Variants in EFHC2 observed in about 807,000 individuals in gnomAD.
The protein encoded by EFHC2 is EF-hand domain containing 2.
In EFHC2, 18 loss-of-function variants were observed where a neutral mutation model predicts 52.7. The ratio of observed to expected loss-of-function variants is 0.34; its 90% confidence interval spans 0.24 to 0.51. EFHC2 has a LOEUF of 0.51. Among genes scored for constraint, EFHC2 ranks in the 20% least tolerant of loss-of-function variants. EFHC2 has a pLI of 0.97. For missense variants in EFHC2, 513 were observed against 562.5 expected (o/e 0.91, Z 0.89); for synonymous variants, 203 against 204.1 (o/e 0.99, Z 0.04).
chrX:44,209,909 G>A (rs1436891908), intron 11 of EFHC2, among the ~76,000 whole-genome samples: 1 of 110,420 alleles, frequency 9.1e-6, no homozygotes, highest in African/African-American at 3.3e-5. Context: ...CTACTTATGA[G>A]AATCCAATGC....
chrX:44,260,141 A>G lies in EFHC2; in HGVS notation c.606+934T>C, dbSNP rs193177530. Reference sequence around the variant, plus strand: ...TGGTGGGGAGCGGGATCGATTCGATAAACACATGAGGGGACTTTCTGGGGG... The same window carrying G: ...TGGTGGGGAGCGGGATCGATTCGATGAACACATGAGGGGACTTTCTGGGGG... On this transcript the variant is annotated intron_variant, in intron 4 of 14. Transcript: ENST00000420999. Among the ~76,000 whole-genome samples the G allele has an allele frequency of 5.4e-5, 6 of 111,443 alleles. No individual in the cohort carries two copies. The East Asian group carries it at 1.7e-3, about 31-fold the overall frequency.
At chrX:44,333,051 G>A (rs1156778050) in intron 1 of EFHC2, among the ~76,000 whole-genome samples, 1 of 111,451 alleles carries the variant, frequency 9.0e-6, no homozygotes, top group African/African-American at 3.3e-5. Context: ...CATGGTTGCT[G>A]CAGGTAGAGG....
intron 13 of EFHC2, among the ~76,000 whole-genome samples, chrX:44,169,399 C>A (rs1188905480): frequency 4.5e-5 from 5 of 111,122 alleles, no homozygotes; most frequent in African/African-American, 1.6e-4. Context: ...CTTCAGCCTA[C>A]TGGGTAACTG....
chrX:44,278,719 C>T (rs1330841336), intron 2 of EFHC2, among the ~76,000 whole-genome samples: 2 of 111,346 alleles, frequency 1.8e-5, no homozygotes, highest in African/African-American at 3.3e-5. Context: ...GAATAAAAAT[C>T]GGAACAAACA....
At chrX:44,322,298 G>A (rs1403067255) in intron 1 of EFHC2, among the ~76,000 whole-genome samples, 1 of 111,826 alleles carries the variant, frequency 8.9e-6, no homozygotes, top group Non-Finnish European at 1.9e-5. Context: ...ACTAGGCTTT[G>A]TACTTTCTGA....
At chrX:44,309,461 C>A (rs747481930) in intron 2 of EFHC2, 56 of 1,185,168 alleles carry the variant, frequency 4.7e-5, no homozygotes, top group Non-Finnish European at 6.2e-5. Flanking sequence ...ACTCCGAAAA[C>A]CTTGCTAAAA....
chrX:44,187,789 C>G (rs1295190686), intron 11 of EFHC2, among the ~76,000 whole-genome samples: 1 of 109,049 alleles, frequency 9.2e-6, no homozygotes, highest in East Asian at 2.9e-4. Context: ...GAAAGTGTCT[C>G]AAAAATGAAA....
rs751656086 is a variant in EFHC2, at chrX:44,242,220, T to C, written c.1181A>G (p.Tyr394Cys). 1 of 1,208,621 alleles carries C rather than the reference T, an allele frequency of 8.3e-7. No homozygotes were observed. Among genetic ancestry groups the C allele is most frequent in the Admixed American group, 2.2e-5 (1 of 45,689 alleles). Residue 394 changes from tyrosine (Y) to cysteine (C), a missense_variant, in exon 8 of 15, where the codon TAC becomes TGC. By Grantham distance (194) the Tyr-to-Cys change is radical. Coordinates refer to ENST00000420999, the MANE Select transcript of EFHC2 (RefSeq NM_025184.4). ...ATCCTCTTCAGAACCAAAACCGTTG[T>C]AAGGTGGAAATTTCCTTTCTATTTT... ...PPKIERKFPP[Y>C]NGFGSEEDSL...
At chrX:44,306,121 C>T (rs756809295) in intron 2 of EFHC2, among the ~76,000 whole-genome samples, 4 of 111,441 alleles carry the variant, frequency 3.6e-5, no homozygotes, top group African/African-American at 1.3e-4. Flanking sequence ...AGCATCACCT[C>T]ATTGCAAGAT....
rs2036542981 is a variant in EFHC2, at chrX:44,148,623, A to T, written c.*172T>A. On this transcript the variant is annotated 3_prime_UTR_variant, in exon 15 of 15. Coordinates refer to ENST00000420999, the MANE Select transcript of EFHC2 (RefSeq NM_025184.4). ...AATAGTAACAGTACGTCGGCAATGTAACATGATGTTCTGTAAAACTAACAT... is the reference window on the plus strand; with the variant it reads ...AATAGTAACAGTACGTCGGCAATGTTACATGATGTTCTGTAAAACTAACAT... The T allele has an allele frequency of 9.4e-6, 4 of 427,298 alleles. No homozygotes were observed. The highest frequency in any genetic ancestry group is 7.9e-6 in the Non-Finnish European group (2 of 252,994). The allele number at this position is 427,298 out of a possible 1,213,427, so 35.2% of individuals were successfully genotyped here. A position where few individuals can be genotyped will look rare whatever the true frequency, so the allele number is the denominator to read the frequency against.
intron 1 of EFHC2, among the ~76,000 whole-genome samples, chrX:44,318,432 A>C (rs772915883): frequency 1.8e-5 from 2 of 112,214 alleles, no homozygotes; most frequent in African/African-American, 6.5e-5. Flanking sequence ...GAAGTGATGA[A>C]AATTTTCTTG....
At chrX:44,341,576 G>T (rs1190920364) in intron 1 of EFHC2, among the ~76,000 whole-genome samples, 1 of 111,902 alleles carries the variant, frequency 8.9e-6, no homozygotes, top group African/African-American at 3.3e-5. Context: ...AGCCTCCTGA[G>T]TAGCTGGGAC....
At chrX:44,192,581 T>A (rs1213174083) in intron 11 of EFHC2, among the ~76,000 whole-genome samples, 2 of 111,926 alleles carry the variant, frequency 1.8e-5, no homozygotes, top group Non-Finnish European at 1.9e-5. Context: ...ATGATTTTTT[T>A]AAACGATCTT....
Position 44,235,500 on chromosome X carries a change from A to G in EFHC2, c.1281-53T>C, listed in dbSNP as rs1476031978. 28 of 1,084,032 alleles carry G rather than the reference A, an allele frequency of 2.6e-5. 1 individual carries two copies. The highest frequency in any genetic ancestry group is 3.4e-5 in the Non-Finnish European group (28 of 821,858). The allele number at this position is 1,084,032 out of a possible 1,213,427, so 89.3% of individuals were successfully genotyped here. On this transcript the variant is annotated intron_variant, in intron 8 of 14. Transcript: ENST00000420999. ...GCATTATACAGGTAATCTTCCACAT[A>G]TTATGTTTTTAAAAGTCTGCAAAAG...
intron 11 of EFHC2, among the ~76,000 whole-genome samples, chrX:44,208,687 C>T (rs2037068209): frequency 9.0e-6 from 1 of 111,428 alleles, no homozygotes; most frequent in South Asian, 3.8e-4. Flanking sequence ...AAATTCAACA[C>T]AATTCCAATC....
At chrX:44,330,093 A>T (rs1179785540) in intron 1 of EFHC2, among the ~76,000 whole-genome samples, 1 of 105,017 alleles carries the variant, frequency 9.5e-6, no homozygotes, top group African/African-American at 3.5e-5. Flanking sequence ...TACAAAAAAA[A>T]AAAAAAAAAA....
At chrX:44,211,967 G>C (rs964736440) in intron 11 of EFHC2, among the ~76,000 whole-genome samples, 5 of 108,659 alleles carry the variant, frequency 4.6e-5, no homozygotes, top group Non-Finnish European at 9.5e-5. Flanking sequence ...CCCAAAATTA[G>C]ACAGACAAGC....
Position 44,261,202 on chromosome X carries a change from A to T in EFHC2, c.479T>A (p.Phe160Tyr), listed in dbSNP as rs748218711. ...YHFNVGTEVV[F>Y]YGRTFKIYDC... is the part of the protein sequence containing the mutation. ...ATAAATCTTGAATGTCCGGCCATAGAAGACAACCTCTGTGCCGACATTAAA... is the reference window on the plus strand; with the variant it reads ...ATAAATCTTGAATGTCCGGCCATAGTAGACAACCTCTGTGCCGACATTAAA... Residue 160 changes from phenylalanine to tyrosine, a missense_variant, in exon 4 of 15, where the codon TTC (phenylalanine) becomes TAC (tyrosine). Phe to Tyr is a conservative substitution (Grantham distance 22). Coordinates refer to ENST00000420999, the MANE Select transcript of EFHC2 (RefSeq NM_025184.4). 3 of 1,211,688 alleles carry T rather than the reference A, an allele frequency of 2.5e-6. No homozygotes were observed. The Admixed American group carries it at 6.5e-5, about 26-fold the overall frequency.
At chrX:44,287,556 C>A (rs1427210285) in intron 2 of EFHC2, among the ~76,000 whole-genome samples, 1 of 112,447 alleles carries the variant, frequency 8.9e-6, no homozygotes, top group Non-Finnish European at 1.9e-5. Flanking sequence ...TTCACTTACT[C>A]ATGTTACTAG....
Sources: allele counts gnomAD v4.1 joint callset (sites outside exome capture counted in the v4.1 genomes callset), GRCh38; gene constraint gnomAD v4.1.1; transcripts MANE v1.5; gene names NCBI Gene and HGNC (gene_info 2026-07-23, HGNC 2026-07-21).